The following PRKCZ variants were observed in gnomAD, a reference collection of about 807,000 sequenced individuals.
The protein encoded by PRKCZ is protein kinase C zeta.
A neutral mutation model predicts 79.5 loss-of-function variants in PRKCZ; 33 were observed. The ratio of observed to expected loss-of-function variants is 0.41; its 90% confidence interval spans 0.31 to 0.55. The LOEUF (loss-of-function observed/expected upper bound fraction) is 0.55. PRKCZ is among the 20% of genes least tolerant of loss of function. PRKCZ has a pLI of 0.19. For missense variants in PRKCZ, 578 were observed against 813.5 expected (o/e 0.71, Z 3.52); for synonymous variants, 342 against 320.9 (o/e 1.07, Z -0.70).
intron 4 of PRKCZ, among the ~76,000 whole-genome samples, chr1:2,108,819 C>T (rs1307306924): frequency 2.6e-5 from 4 of 152,220 alleles, no homozygotes; most frequent in South Asian, 2.1e-4. Context: ...TAAAGCAACA[C>T]GCATTTGTTA....
intron 4 of PRKCZ, among the ~76,000 whole-genome samples, chr1:2,109,182 T>C (rs767687612): frequency 1.3e-5 from 2 of 152,220 alleles, no homozygotes; most frequent in Non-Finnish European, 2.9e-5. Flanking sequence ...GTCCCGGGAC[T>C]TGCATGTGGG....
At chr1:2,163,011 A>T (rs1682615313) in intron 10 of PRKCZ, among the ~76,000 whole-genome samples, 1 of 152,124 alleles carries the variant, frequency 6.6e-6, no homozygotes, top group African/African-American at 2.4e-5. Flanking sequence ...CAGGGTTAGC[A>T]TCTGCAGGTG....
chr1:2,102,882 T>G (rs1200881378), intron 4 of PRKCZ, among the ~76,000 whole-genome samples: 1 of 151,892 alleles, frequency 6.6e-6, no homozygotes, highest in Non-Finnish European at 1.5e-5. Context: ...CCTCCCCCCG[T>G]CTGTCTCTCT....
chr1:2,052,055 C>CT (rs1224842794), intron 1 of PRKCZ, among the ~76,000 whole-genome samples: 5 of 152,158 alleles, frequency 3.3e-5, no homozygotes, highest in African/African-American at 1.2e-4. Flanking sequence ...GACGTTCTGG[C>CT]TATTGGACTT....
intron 9 of PRKCZ, among the ~76,000 whole-genome samples, chr1:2,155,000 T>C (rs1027098382): frequency 2.6e-5 from 4 of 152,174 alleles, no homozygotes; most frequent in Non-Finnish European, 5.9e-5. Flanking sequence ...AATACCTGCC[T>C]CCTGGAACTG....
intron 11 of PRKCZ, 101 bp from the exon 12 acceptor site, chr1:2,171,954 G>T (rs1684525111): frequency 6.4e-6 from 9 of 1,396,552 alleles, no homozygotes; most frequent in Non-Finnish European, 7.6e-6. Flanking sequence ...AGGATGCCGG[G>T]CCCGTGGTGG....
chr1:2,175,876 T>C lies in PRKCZ; in HGVS notation c.1575+563T>C, dbSNP rs560215852. On this transcript the variant is annotated intron_variant, in intron 16 of 17. Transcript: ENST00000378567. Reference sequence around the variant, plus strand: ...GGTGCCGCCAGGAGCTAGCGGCACATGCGTCCTGACCTGTGAGCACATTGG... The same window carrying C: ...GGTGCCGCCAGGAGCTAGCGGCACACGCGTCCTGACCTGTGAGCACATTGG... Among the ~76,000 whole-genome samples the C allele has an allele frequency of 3.0e-3, 451 of 152,242 alleles. 7 individuals carry two copies. Among genetic ancestry groups the C allele is most frequent in the African/African-American group, 0.01 (428 of 41,546 alleles).
At position 2,098,090 on chromosome 1, in the gene PRKCZ, A is replaced by C. The variant is rs61775408; in HGVS notation, c.335-37172A>C. ...GATGACTAAGAACAGAGCAGGTGAC[A>C]AGGATGACTAAGGTCAGAGCAGGTG... On this transcript the variant is annotated intron_variant, in intron 4 of 17. Transcript: ENST00000378567. Among the ~76,000 whole-genome samples the C allele has an allele frequency of 9.2e-5, 5 of 54,174 alleles. No homozygotes were observed. In the South Asian group the frequency reaches 1.7e-3, roughly 19 times the overall value. 35.5% of individuals were successfully genotyped at this position (54,174 alleles called of 152,430 possible). A position where few individuals can be genotyped will look rare whatever the true frequency, so the allele number is the denominator to read the frequency against.
intron 7 of PRKCZ, among the ~76,000 whole-genome samples, chr1:2,147,060 C>T (rs896331581): frequency 1.6e-4 from 24 of 152,388 alleles, no homozygotes; most frequent in Middle Eastern, 3.4e-3. Flanking sequence ...ATCTTCCATT[C>T]GTTCATCTGT....
In PRKCZ at chr1:2,082,480, C is replaced by T. The variant is rs771566008; in HGVS notation, c.334+22889C>T. On this transcript the variant is annotated intron_variant, in intron 4 of 17. Coordinates refer to ENST00000378567, the MANE Select transcript of PRKCZ (RefSeq NM_002744.6). The surrounding 1 kb of genome is among the most constrained non-coding windows in gnomAD (Gnocchi z 4.4). Reference sequence around the variant, plus strand: ...CATTCTGTGAGTGTAAGATCACGTCCGCGTTCCTAGCGACCGGTTTTGTGA... The same window carrying T: ...CATTCTGTGAGTGTAAGATCACGTCTGCGTTCCTAGCGACCGGTTTTGTGA... The T allele has an allele frequency of 5.8e-5, 26 of 451,762 alleles. No individual in the cohort carries two copies. In the East Asian group the frequency reaches 6.3e-4, roughly 11 times the overall value. The allele number at this position is 451,762 out of a possible 1,614,324, so 28.0% of individuals were successfully genotyped here.
intron 4 of PRKCZ, among the ~76,000 whole-genome samples, chr1:2,081,948 T>G (rs1467864491): frequency 6.6e-6 from 1 of 152,222 alleles, no homozygotes. Context: ...CTCTTGCCCA[T>G]TTGTCCCCTG....
chr1:2,082,848 T>C lies in PRKCZ; in HGVS notation c.334+23257T>C, dbSNP rs1182283648. On this transcript the variant is annotated intron_variant, in intron 4 of 17. Transcript: ENST00000378567. The surrounding 1 kb of genome is among the most constrained non-coding windows in gnomAD (Gnocchi z 4.4). Reference sequence around the variant, plus strand: ...GAGGGTGGAGGGGCGGCCAAGGGCGTGAGGGAGAGGGTGGAGGGGTGGTGT... The same window carrying C: ...GAGGGTGGAGGGGCGGCCAAGGGCGCGAGGGAGAGGGTGGAGGGGTGGTGT... Among the ~76,000 whole-genome samples, 4 of 147,218 alleles carry C rather than the reference T, an allele frequency of 2.7e-5. No homozygotes were observed. The highest frequency in any genetic ancestry group is 4.5e-5 in the Non-Finnish European group (3 of 66,710).
chr1:2,180,939 C>T lies in PRKCZ; in HGVS notation c.1576-3644C>T, dbSNP rs1044789877. ...TGGCTCCAGGATGTTTCCATGTGGC[C>T]GGCTAGTATGGCCAAAGTGGACCCT... On this transcript the variant is annotated intron_variant, in intron 16 of 17. Transcript: ENST00000378567. Among the ~76,000 whole-genome samples, 10 of 152,292 alleles carry T rather than the reference C, an allele frequency of 6.6e-5. No homozygotes were observed. In the East Asian group the frequency reaches 9.7e-4, roughly 15 times the overall value.
chr1:2,052,610 C>T (rs759110229), intron 1 of PRKCZ, among the ~76,000 whole-genome samples: 1 of 152,072 alleles, frequency 6.6e-6, no homozygotes, highest in Non-Finnish European at 1.5e-5. Flanking sequence ...CTCCTCTCTG[C>T]TGCAGAGTGT....
At chr1:2,184,341 C>A in intron 16 of PRKCZ, 1 of 448,522 alleles carries the variant, frequency 2.2e-6, no homozygotes, top group South Asian at 2.3e-5. Context: ...GATCCTGCTC[C>A]GTCCCACATG....
chr1:2,073,557 G>A (rs1661824721), intron 4 of PRKCZ: 1 of 924,870 alleles, frequency 1.1e-6, no homozygotes, highest in Non-Finnish European at 1.3e-6. Flanking sequence ...CCTGGGTCTG[G>A]CTGCTGCCCG....
chr1:2,105,014 TCCC>T, intron 4 of PRKCZ: 2 of 751,950 alleles, frequency 2.7e-6, no homozygotes, highest in Non-Finnish European at 3.2e-6. Flanking sequence ...CTGTGACAGC[TCCC>T]CTGTGAGTTC....
rs1331203699 is a variant in PRKCZ, at chr1:2,094,086, C to A, written c.334+34495C>A. On this transcript the variant is annotated intron_variant, in intron 4 of 17. Transcript: ENST00000378567. The surrounding 1 kb of genome is among the most constrained non-coding windows in gnomAD (Gnocchi z 7.3). The stretch of plus-strand genomic sequence containing the variant: ...CCTGTTTGTCCTGTCCTAGCGCAGC[C>A]ACATCCCTTGGGAGCCTGCTTGTCT... 6.6e-6 allele frequency among the ~76,000 whole-genome samples: 1 copy of A among 152,178 alleles called. No individual in the cohort carries two copies.
intron 4 of PRKCZ, among the ~76,000 whole-genome samples, chr1:2,124,278 C>CATGGTGGTAGTTAGGGTCAT (rs1673356485): frequency 1.1e-4 from 1 of 8,948 alleles, no homozygotes; most frequent in Non-Finnish European, 2.3e-4. Context: ...GTTAGGGTCA[C>CATGGTGGTAGTTAGGGTCAT]GGCTGTAGTT....
Sources: gnomAD v4.1 joint callset for allele counts (sites outside exome capture counted in the v4.1 genomes callset) on GRCh38, gnomAD v4.1.1 for gene constraint, Gnocchi (gnomAD v3.1) non-coding constraint, MANE v1.5 for transcripts, NCBI Gene and HGNC (gene_info 2026-07-23, HGNC 2026-07-21) for gene names.